The following PLD5 variants were observed in gnomAD, a reference collection of about 807,000 sequenced individuals.
PLD5 encodes inactive phospholipase D5.
Under a neutral mutation model 61.1 loss-of-function variants are expected in PLD5, and 36 were observed. The ratio of observed to expected loss-of-function variants is 0.59; its 90% CI spans 0.45 to 0.78. The LOEUF is 0.78. Ranked by LOEUF, PLD5 falls within the 30% of genes least tolerant of loss-of-function variation. The pLI, the probability that PLD5 is intolerant of heterozygous loss-of-function variation, is 0.00. For missense variants in PLD5, 515 were observed against 644.4 expected (o/e 0.80, Z 2.17); for synonymous variants, 243 against 242.8 (o/e 1.00, Z -0.01).
intron 5 of PLD5, among the ~76,000 whole-genome samples, chr1:242,128,320 A>G (rs914243224): frequency 1.1e-4 from 16 of 151,350 alleles, no homozygotes; most frequent in East Asian, 1.9e-4. Flanking sequence ...AAGAAAGAAA[A>G]AAAAAAAACC....
In PLD5 at chr1:242,459,470, T is replaced by C. The variant is rs989202201; in HGVS notation, c.189+64618A>G. ...GTGTATAATTTGTGCTACTGGTTTA[T>C]TGTTCATGTGTAAAATTGGAAAAAA... On this transcript the variant is annotated intron_variant, in intron 1 of 9. Coordinates refer to ENST00000536534, the MANE Select transcript of PLD5 (RefSeq NM_001372062.1). Among the ~76,000 whole-genome samples the C allele has an allele frequency of 2.6e-5, 4 of 152,338 alleles. No homozygotes were observed. In the South Asian group the frequency reaches 6.2e-4, roughly 24 times the overall value.
At chr1:242,439,280 C>T (rs1046454269) in intron 1 of PLD5, among the ~76,000 whole-genome samples, 1 of 152,172 alleles carries the variant, frequency 6.6e-6, no homozygotes, top group African/African-American at 2.4e-5. Flanking sequence ...CAAGGTCATT[C>T]GGAGACCGAG....
intron 2 of PLD5, among the ~76,000 whole-genome samples, chr1:242,324,861 C>T (rs1658649344): frequency 6.6e-6 from 1 of 152,044 alleles, no homozygotes; most frequent in Non-Finnish European, 1.5e-5. Context: ...TGACTCAGCC[C>T]AAGAGGACAG....
chr1:242,384,338 G>C (rs1159847059), intron 1 of PLD5, among the ~76,000 whole-genome samples: 1 of 152,210 alleles, frequency 6.6e-6, no homozygotes, highest in African/African-American at 2.4e-5. Context: ...CCCTCACAGG[G>C]ATCCAGACTG....
chr1:242,135,055 T>A (rs1009832885), intron 5 of PLD5, among the ~76,000 whole-genome samples: 1 of 152,176 alleles, frequency 6.6e-6, no homozygotes, highest in South Asian at 2.1e-4. Context: ...CCTTAATCTT[T>A]TGTGTTTGTA....
At chr1:242,162,132 C>T (rs1448946680) in intron 5 of PLD5, among the ~76,000 whole-genome samples, 2 of 152,090 alleles carry the variant, frequency 1.3e-5, no homozygotes, top group Non-Finnish European at 2.9e-5. Context: ...GGGTTGGAAG[C>T]TAAATTCTCC....
intron 2 of PLD5, among the ~76,000 whole-genome samples, chr1:242,333,655 A>G (rs1484616716): frequency 1.3e-5 from 2 of 151,772 alleles, no homozygotes; most frequent in Admixed American, 1.3e-4. Context: ...TACTTTGTCC[A>G]CTCTCTCCTT....
In PLD5 at chr1:242,154,258, G is replaced by A. The variant is rs180987946; in HGVS notation, c.736-29593C>T. 1.4e-3 allele frequency among the ~76,000 whole-genome samples: 219 copies of A among 152,248 alleles called. 1 individual carries two copies. Among genetic ancestry groups the A allele is most frequent in the African/African-American group, 5.1e-3 (212 of 41,532 alleles). ...GGAGATTTTGGGCTGAGAAGATGGG[G>A]TTTTCCAAAGATACAATCATGTCAT... On this transcript the variant is annotated intron_variant, in intron 5 of 9. Coordinates refer to ENST00000536534, the MANE Select transcript of PLD5 (RefSeq NM_001372062.1).
chr1:242,216,692 G>C (rs1245989836), intron 5 of PLD5, among the ~76,000 whole-genome samples: 1 of 152,212 alleles, frequency 6.6e-6, no homozygotes, highest in African/African-American at 2.4e-5. Context: ...CGGTGTCTGT[G>C]AGTGGCCTGG....
intron 6 of PLD5, among the ~76,000 whole-genome samples, chr1:242,120,717 C>T (rs1662297791): frequency 6.6e-6 from 1 of 152,154 alleles, no homozygotes; most frequent in South Asian, 2.1e-4. Context: ...AGACCTTGAA[C>T]TAGTCTTTTA....
In PLD5 at chr1:242,162,710, A is replaced by AAAAAGCTACGAGAAGTTTTTCCCTGG. The variant is rs545785369; in HGVS notation, c.736-38071_736-38046dup. On this transcript the variant is annotated intron_variant, in intron 5 of 9. Coordinates refer to ENST00000536534, the MANE Select transcript of PLD5 (RefSeq NM_001372062.1). Reference sequence around the variant, plus strand: ...CTTTCACGATCAAAGCCGTGATGCTAAAAAGCTACGAGAAGTTTTTCCCTG... The same window carrying AAAAAGCTACGAGAAGTTTTTCCCTGG: ...CTTTCACGATCAAAGCCGTGATGCTAAAAAGCTACGAGAAGTTTTTCCCTGGAAAAGCTACGAGAAGTTTTTCCCTG... Among the ~76,000 whole-genome samples the AAAAAGCTACGAGAAGTTTTTCCCTGG allele has an allele frequency of 8.3e-3, 1,268 of 152,274 alleles. 18 individuals are homozygous for AAAAAGCTACGAGAAGTTTTTCCCTGG. The highest frequency in any genetic ancestry group is 0.029 in the African/African-American group (1,218 of 41,514).
chr1:242,307,124 A>T (rs1435680189), intron 2 of PLD5, among the ~76,000 whole-genome samples: 2 of 152,184 alleles, frequency 1.3e-5, no homozygotes, highest in African/African-American at 4.8e-5. Context: ...ACAGAATATT[A>T]AGTTGGATTC....
intron 5 of PLD5, among the ~76,000 whole-genome samples, chr1:242,164,678 G>A (rs138885947): frequency 2.1e-3 from 313 of 152,274 alleles, no homozygotes; most frequent in African/African-American, 7.2e-3. Context: ...CTCCTCCCAC[G>A]TCTACATTAC....
intron 4 of PLD5, among the ~76,000 whole-genome samples, chr1:242,226,420 C>T (rs1023908818): frequency 3.3e-5 from 5 of 152,216 alleles, no homozygotes; most frequent in Non-Finnish European, 5.9e-5. Context: ...GATTCATAGG[C>T]ATTATTAGTA....
At chr1:242,279,856 G>A (rs899035915) in intron 3 of PLD5, among the ~76,000 whole-genome samples, 1 of 152,120 alleles carries the variant, frequency 6.6e-6, no homozygotes, top group African/African-American at 2.4e-5. Context: ...CTAAACCCTA[G>A]AGAGCAATTT....
intron 3 of PLD5, among the ~76,000 whole-genome samples, chr1:242,281,540 C>T (rs894115916): frequency 8.5e-5 from 13 of 152,100 alleles, no homozygotes; most frequent in African/African-American, 3.1e-4. Flanking sequence ...CACACACACA[C>T]GTGCAAATAT....
intron 9 of PLD5, among the ~76,000 whole-genome samples, chr1:242,093,442 A>G (rs770009779): frequency 2.2e-4 from 34 of 152,190 alleles, no homozygotes; most frequent in Non-Finnish European, 3.8e-4. Context: ...AGGGCAGTCA[A>G]TATATCATCT....
intron 5 of PLD5, among the ~76,000 whole-genome samples, chr1:242,156,436 C>T (rs1365078426): frequency 6.6e-6 from 1 of 152,104 alleles, no homozygotes; most frequent in African/African-American, 2.4e-5. Flanking sequence ...GATGCAATGT[C>T]TTCATAGTGT....
chr1:242,190,845 T>C (rs1190026246), intron 5 of PLD5, among the ~76,000 whole-genome samples: 3 of 152,192 alleles, frequency 2.0e-5, no homozygotes, highest in Non-Finnish European at 4.4e-5. Context: ...GTTAGTAGCT[T>C]AGAAACAAGA....
Sources: gnomAD v4.1 joint callset for allele counts (sites outside exome capture counted in the v4.1 genomes callset) on GRCh38, gnomAD v4.1.1 for gene constraint, MANE v1.5 for transcripts, NCBI Gene and HGNC (gene_info 2026-07-23, HGNC 2026-07-21) for gene names.